The following GRIN3A variants were observed in gnomAD, a reference collection of about 807,000 sequenced individuals.
GRIN3A encodes the protein glutamate receptor ionotropic, NMDA 3A.
Under a neutral mutation model 92.4 loss-of-function variants are expected in GRIN3A, and 47 were observed. The ratio of observed to expected loss-of-function variants is 0.51; its 90% confidence interval spans 0.40 to 0.65. The LOEUF is 0.65. Ranked by LOEUF, GRIN3A falls within the 30% of genes least tolerant of loss-of-function variation. GRIN3A has a pLI of 0.00. For synonymous variants in GRIN3A, 527 were observed against 540.6 expected (o/e 0.97, Z 0.35); for missense variants, 1,324 against 1,393.1 (o/e 0.95, Z 0.79).
chr9:101,731,898 T>C (rs1388448538), intron 1 of GRIN3A, among the ~76,000 whole-genome samples: 1 of 152,170 alleles, frequency 6.6e-6, no homozygotes, highest in Non-Finnish European at 1.5e-5. Context: ...TTCTATGAGT[T>C]TGTCATTCAA....
intron 2 of GRIN3A, among the ~76,000 whole-genome samples, chr9:101,684,654 A>G (rs1012309732): frequency 3.9e-5 from 6 of 152,228 alleles, no homozygotes; most frequent in Non-Finnish European, 8.8e-5. Context: ...GGAGCCAGAA[A>G]GATCAGTCTG....
intron 8 of GRIN3A, among the ~76,000 whole-genome samples, chr9:101,574,007 C>T (rs1827795568): frequency 6.6e-6 from 1 of 151,958 alleles, no homozygotes; most frequent in African/African-American, 2.4e-5. Flanking sequence ...ATGTTTACTA[C>T]TTGATCTTGG....
chr9:101,643,702 C>G (rs761425006), intron 3 of GRIN3A, among the ~76,000 whole-genome samples: 6 of 150,724 alleles, frequency 4.0e-5, no homozygotes, highest in Non-Finnish European at 4.4e-5. Flanking sequence ...CACACCCACA[C>G]GAATATTATT....
At chr9:101,628,721 A>C (rs1324557871) in intron 3 of GRIN3A, among the ~76,000 whole-genome samples, 1 of 152,200 alleles carries the variant, frequency 6.6e-6, no homozygotes, top group Non-Finnish European at 1.5e-5. Context: ...TGTAAACTGC[A>C]TATCAGACAA....
intron 1 of GRIN3A, among the ~76,000 whole-genome samples, chr9:101,697,623 G>A (rs1328591108): frequency 6.6e-6 from 1 of 152,156 alleles, no homozygotes; most frequent in Non-Finnish European, 1.5e-5. Context: ...ATCCACTGAA[G>A]CCCAGTATAA....
intron 1 of GRIN3A, among the ~76,000 whole-genome samples, chr9:101,706,278 C>T (rs936863806): frequency 6.6e-6 from 1 of 152,172 alleles, no homozygotes; most frequent in Non-Finnish European, 1.5e-5. Flanking sequence ...GACCTTTCCA[C>T]TTCCTGCAAT....
At chr9:101,617,630 T>G (rs551802085) in intron 5 of GRIN3A, among the ~76,000 whole-genome samples, 161 of 151,956 alleles carry the variant, frequency 1.1e-3, no homozygotes, top group African/African-American at 3.7e-3. Context: ...ATTTATTTAT[T>G]TTGTGTGTGT....
intron 2 of GRIN3A, among the ~76,000 whole-genome samples, chr9:101,678,611 A>G (rs531636479): frequency 1.3e-5 from 2 of 152,260 alleles, no homozygotes; most frequent in African/African-American, 2.4e-5. Flanking sequence ...GCAAAATTCA[A>G]TTACTTATAG....
chr9:101,638,390 A>G (rs1274995207), intron 3 of GRIN3A, among the ~76,000 whole-genome samples: 1 of 152,108 alleles, frequency 6.6e-6, no homozygotes, highest in Non-Finnish European at 1.5e-5. Context: ...CCTGGCCTCC[A>G]TGTCTTCTCA....
At chr9:101,580,915 A>G (rs1827879371) in intron 6 of GRIN3A, among the ~76,000 whole-genome samples, 1 of 152,210 alleles carries the variant, frequency 6.6e-6, no homozygotes, top group Non-Finnish European at 1.5e-5. Flanking sequence ...TGTGGCCAGC[A>G]CTTTGCTAAG....
chr9:101,658,722 T>G (rs556443079), intron 3 of GRIN3A, among the ~76,000 whole-genome samples: 1 of 148,296 alleles, frequency 6.7e-6, no homozygotes, highest in Non-Finnish European at 1.5e-5. Context: ...CATCATATAT[T>G]TTATATACAT....
At chr9:101,724,538 G>T (rs112740033) in intron 1 of GRIN3A, among the ~76,000 whole-genome samples, 2,235 of 152,300 alleles carry the variant, frequency 0.015, 53 homozygotes, top group African/African-American at 0.052. Context: ...GCCTTGGCCA[G>T]CCCAGAAAGG....
chr9:101,595,531 T>G (rs991158916), intron 6 of GRIN3A, among the ~76,000 whole-genome samples: 1 of 152,118 alleles, frequency 6.6e-6, no homozygotes, highest in Non-Finnish European at 1.5e-5. Context: ...GGCATTGATA[T>G]AGTATGTTTT....
chr9:101,590,638 C>A (rs1828011426), intron 6 of GRIN3A, among the ~76,000 whole-genome samples: 1 of 152,040 alleles, frequency 6.6e-6, no homozygotes, highest in Non-Finnish European at 1.5e-5. Context: ...CCTCGGCCTC[C>A]CAAAGTGCGG....
intron 3 of GRIN3A, among the ~76,000 whole-genome samples, chr9:101,640,302 T>C (rs1223869344): frequency 1.3e-5 from 2 of 152,216 alleles, no homozygotes; most frequent in Non-Finnish European, 1.5e-5. Context: ...ACAACTAAAG[T>C]AGCATTTTGC....
At chr9:101,595,102 C>G in intron 6 of GRIN3A, 13 of 569,376 alleles carry the variant, frequency 2.3e-5, no homozygotes, top group East Asian at 9.1e-5. Context: ...AGAGAGGGAG[C>G]GGAGAGAGGA....
At chr9:101,578,964 GAAC>G (rs1363786242) in intron 7 of GRIN3A, among the ~76,000 whole-genome samples, 1 of 152,068 alleles carries the variant, frequency 6.6e-6, no homozygotes, top group Non-Finnish European at 1.5e-5. Context: ...CTTCTATTAT[GAAC>G]AACAGTGGAG....
chr9:101,736,506 T>TTA (rs1020868018), intron 1 of GRIN3A, among the ~76,000 whole-genome samples: 1 of 151,728 alleles, frequency 6.6e-6, no homozygotes, highest in Non-Finnish European at 1.5e-5. Context: ...TTTTTTTTTT[T>TTA]AATTCTTAGA....
At position 101,738,068 on chromosome 9, in the gene GRIN3A, C is replaced by T. The variant is rs1317419362; in HGVS notation, c.-89G>A. ...TGCCTGAGGTCTCCGCCTCCAGGTC[C>T]CGCGCGCAGCTTCACTCCACTCGGT... On this transcript the variant is annotated 5_prime_UTR_variant, in exon 1 of 9. Transcript: ENST00000361820. 1.4e-5 allele frequency: 16 copies of T among 1,114,264 alleles called. No homozygotes were observed. The highest frequency in any genetic ancestry group is 2.0e-5 in the Non-Finnish European group (15 of 764,204). 69.0% of individuals were successfully genotyped at this position (1,114,264 alleles called of 1,614,324 possible). A position where few individuals can be genotyped will look rare whatever the true frequency, so the allele number is the denominator to read the frequency against.
Sources: allele counts gnomAD v4.1 joint callset (sites outside exome capture counted in the v4.1 genomes callset), GRCh38; gene constraint gnomAD v4.1.1; transcripts MANE v1.5; gene names NCBI Gene and HGNC (gene_info 2026-07-23, HGNC 2026-07-21).